Variants in UBE4B observed in about 807,000 individuals in gnomAD.
UBE4B encodes ubiquitin conjugation factor E4 B.
UBE4B carries 27 observed loss-of-function variants against 148.1 expected under a neutral mutation model. That is an observed-to-expected ratio of 0.18 (90% CI 0.13 to 0.25). The LOEUF (loss-of-function observed/expected upper bound fraction) is 0.25, where lower values mean the gene tolerates loss of function less well. Ranked by LOEUF, UBE4B falls within the 10% of genes least tolerant of loss-of-function variation. The pLI is 1.00. For missense variants in UBE4B, 1,170 were observed against 1,662.4 expected (o/e 0.70, Z 5.15); for synonymous variants, 596 against 619.3 (o/e 0.96, Z 0.56).
intron 20 of UBE4B, among the ~76,000 whole-genome samples, chr1:10,150,081 A>T (rs1313500448): frequency 6.6e-6 from 1 of 152,256 alleles, no homozygotes; most frequent in East Asian, 1.9e-4. Flanking sequence ...AAATGATTTT[A>T]AAATAAGGGC....
intron 2 of UBE4B, among the ~76,000 whole-genome samples, chr1:10,092,377 G>A (rs539057691): frequency 6.6e-6 from 1 of 152,024 alleles, no homozygotes; most frequent in Non-Finnish European, 1.5e-5. Context: ...GGTGCATGCC[G>A]CCACGCCCAG....
intron 21 of UBE4B, among the ~76,000 whole-genome samples, chr1:10,151,797 G>A (rs1467866787): frequency 6.6e-6 from 1 of 152,082 alleles, no homozygotes; most frequent in Non-Finnish European, 1.5e-5. Flanking sequence ...ACTACTGAAA[G>A]TCAGATGATT....
At chr1:10,153,490 TAAAAAAAAAAAAAAAAA>T (rs1045427991) in intron 21 of UBE4B, among the ~76,000 whole-genome samples, 1 of 49,200 alleles carries the variant, frequency 2.0e-5, no homozygotes, top group African/African-American at 8.6e-5. Flanking sequence ...ACCCTGTTTC[TAAAAAAAAAAAAAAAAA>T]AAAAAAAAAA....
At chr1:10,060,077 C>CTG (rs139760788) in intron 1 of UBE4B, among the ~76,000 whole-genome samples, 14 of 151,640 alleles carry the variant, frequency 9.2e-5, no homozygotes, top group Admixed American at 2.0e-4. Context: ...CGTCAGGTCC[C>CTG]TGTGTGTGTG....
chr1:10,102,662 C>T (rs75803150), intron 4 of UBE4B, among the ~76,000 whole-genome samples: 2 of 151,920 alleles, frequency 1.3e-5, no homozygotes, highest in African/African-American at 4.8e-5. Flanking sequence ...CCACTGGCCT[C>T]GGCCTTCCAG....
chr1:10,090,418 G>A (rs966282245), intron 2 of UBE4B, among the ~76,000 whole-genome samples: 2 of 152,144 alleles, frequency 1.3e-5, no homozygotes, highest in African/African-American at 4.8e-5. Flanking sequence ...ACCATGCCTG[G>A]CTGAGACCTG....
chr1:10,144,363 A>G (rs548541028), intron 17 of UBE4B, among the ~76,000 whole-genome samples: 2 of 152,336 alleles, frequency 1.3e-5, no homozygotes, highest in African/African-American at 4.8e-5. Flanking sequence ...ACTTTCTTGC[A>G]ACAAAAAAGA....
At chr1:10,044,762 TGATAGA>T (rs1643879718) in intron 1 of UBE4B, among the ~76,000 whole-genome samples, 2 of 151,990 alleles carry the variant, frequency 1.3e-5, no homozygotes, top group African/African-American at 4.8e-5. Context: ...TTTGTATTTT[TGATAGA>T]GATAGAGTTT....
At chr1:10,173,899 T>C (rs1214594763) in intron 25 of UBE4B, among the ~76,000 whole-genome samples, 2 of 152,216 alleles carry the variant, frequency 1.3e-5, no homozygotes, top group Non-Finnish European at 2.9e-5. Flanking sequence ...GGCCTTTGTT[T>C]GGTGACCAAC....
Position 10,174,088 on chromosome 1 carries a change from GAA to G in UBE4B, c.3525+2762_3525+2763del, listed in dbSNP as rs1261414374. Among the ~76,000 whole-genome samples the G allele has an allele frequency of 2.0e-5, 3 of 152,190 alleles. No individual in the cohort carries two copies. The East Asian group carries it at 5.8e-4, about 29-fold the overall frequency. On this transcript the variant is annotated intron_variant, in intron 25 of 27. Transcript: ENST00000343090. ...CACATGTGCCAGTGACACATGGAGA[GAA>G]AAGCATATTTTAAGAAGTGTTGGGG...
intron 4 of UBE4B, among the ~76,000 whole-genome samples, chr1:10,102,261 C>T (rs1305819729): frequency 6.6e-6 from 1 of 151,690 alleles, no homozygotes; most frequent in African/African-American, 2.4e-5. Context: ...TTGAAAAATT[C>T]CTGGAGGAAA....
At chr1:10,119,200 T>C (rs763109112) in intron 8 of UBE4B, among the ~76,000 whole-genome samples, 7 of 152,064 alleles carry the variant, frequency 4.6e-5, no homozygotes, top group Non-Finnish European at 1.0e-4. Context: ...CTTAAACTTC[T>C]GACCTCAAGT....
intron 2 of UBE4B, among the ~76,000 whole-genome samples, chr1:10,083,869 AC>A (rs1355298041): frequency 1.3e-5 from 2 of 152,156 alleles, no homozygotes; most frequent in Non-Finnish European, 2.9e-5. Context: ...GCTTTATCTT[AC>A]AGCATTATTC....
At chr1:10,176,171 A>G (rs1192582018) in intron 25 of UBE4B, among the ~76,000 whole-genome samples, 2 of 152,232 alleles carry the variant, frequency 1.3e-5, no homozygotes, top group Non-Finnish European at 2.9e-5. Flanking sequence ...TGTAGAATGT[A>G]TCAGTATTTC....
At chr1:10,053,138 TTTTATTTA>T (rs912338273) in intron 1 of UBE4B, among the ~76,000 whole-genome samples, 1 of 151,616 alleles carries the variant, frequency 6.6e-6, no homozygotes, top group Non-Finnish European at 1.5e-5. Context: ...CGTGCATGGC[TTTTATTTA>T]TTTATTTATT....
At position 10,161,214 on chromosome 1, in the gene UBE4B, G is replaced by A. The variant is rs749234800; in HGVS notation, c.3126G>A (p.Leu1042=). Residue 1042 remains leucine (L), a synonymous_variant, in exon 23 of 28, where the codon CTG becomes CTA. Coordinates refer to ENST00000343090, the MANE Select transcript of UBE4B (RefSeq NM_001105562.3). The surrounding 1 kb of genome is among the most constrained non-coding windows in gnomAD (Gnocchi z 4.1). The stretch of plus-strand genomic sequence containing the variant: ...CGACGTTTTTGCTCGATGAAAGTCT[G>A]GAGTCTCTGAAGCGAATCCATGAAG... ...NDTTFLLDES[L]ESLKRIHEVQ... is the part of the protein sequence containing the mutation. 2 of 1,614,170 alleles carry A rather than the reference G, an allele frequency of 1.2e-6. No homozygotes were observed. The highest frequency in any genetic ancestry group is 3.3e-5 in the Admixed American group (2 of 60,006).
At chr1:10,060,898 C>G (rs1442484933) in intron 1 of UBE4B, among the ~76,000 whole-genome samples, 1 of 152,116 alleles carries the variant, frequency 6.6e-6, no homozygotes, top group African/African-American at 2.4e-5. Context: ...CACGTGCCAC[C>G]ATGCCCAGCT....
intron 7 of UBE4B, among the ~76,000 whole-genome samples, chr1:10,109,247 A>T (rs990507434): frequency 2.0e-5 from 3 of 152,054 alleles, no homozygotes; most frequent in Non-Finnish European, 4.4e-5. Flanking sequence ...AAATCATAGA[A>T]ATGCATTCAG....
chr1:10,088,106 G>A (rs1233965516), intron 2 of UBE4B, among the ~76,000 whole-genome samples: 4 of 152,044 alleles, frequency 2.6e-5, no homozygotes, highest in Non-Finnish European at 4.4e-5. Flanking sequence ...TTCTAGCACC[G>A]TATGATGCTC....
Sources: gnomAD v4.1 joint callset for allele counts (sites outside exome capture counted in the v4.1 genomes callset) on GRCh38, gnomAD v4.1.1 for gene constraint, Gnocchi (gnomAD v3.1) non-coding constraint, MANE v1.5 for transcripts, NCBI Gene and HGNC (gene_info 2026-07-23, HGNC 2026-07-21) for gene names.